CLASP1: variants seen among roughly 807,000 people sequenced by gnomAD.
CLASP1 encodes CLIP-associating protein 1.
CLASP1 carries 38 observed loss-of-function variants against 192.3 expected under a neutral mutation model. That is an observed-to-expected ratio of 0.20 (90% CI 0.15 to 0.26). The LOEUF is 0.26. Ranked by LOEUF, CLASP1 falls within the 10% of genes least tolerant of loss-of-function variation. The pLI is 1.00. For synonymous variants in CLASP1, 691 were observed against 712.8 expected (o/e 0.97, Z 0.49); for missense variants, 1,433 against 1,932.5 (o/e 0.74, Z 4.85).
exon 40 of CLASP1, chr2:121,340,768 T>C: frequency 2.2e-6 from 2 of 916,770 alleles, no homozygotes; most frequent in Non-Finnish European, 3.5e-6. Flanking sequence ...GGCCTCCTTG[T>C]ACTGACTGGG....
At chr2:121,562,564 T>A (rs947089539) in intron 2 of CLASP1, among the ~76,000 whole-genome samples, 6 of 152,158 alleles carry the variant, frequency 3.9e-5, no homozygotes, top group Non-Finnish European at 7.3e-5. Flanking sequence ...ATCAACTGAG[T>A]AGAATACTGA....
Position 121,479,035 on chromosome 2 carries a change from ACACACACACACACCCCCCCCC to A in CLASP1, c.713-9096_713-9076del, listed in dbSNP as rs1559370951. Among the ~76,000 whole-genome samples the A allele has an allele frequency of 1.1e-4, 5 of 45,732 alleles. No individual in the cohort carries two copies. In the East Asian group the frequency reaches 3.7e-3, roughly 34 times the overall value. 30.0% of individuals were successfully genotyped at this position (45,732 alleles called of 152,430 possible). On this transcript the variant is annotated intron_variant, in intron 8 of 39. Coordinates refer to ENST00000263710, the Ensembl canonical transcript of CLASP1. Reference sequence around the variant, plus strand: ...CACACACCACACACACACACACCCCACACACACACACACCCCCCCCCCACACACACACACACACACCATCAA... The same window carrying A: ...CACACACCACACACACACACACCCCACACACACACACACACACACCATCAA...
At chr2:121,531,213 C>T (rs1215142014) in intron 2 of CLASP1, among the ~76,000 whole-genome samples, 1 of 152,124 alleles carries the variant, frequency 6.6e-6, no homozygotes. Context: ...ATCAACTGTT[C>T]TGTAACTTCC....
intron 2 of CLASP1, among the ~76,000 whole-genome samples, chr2:121,604,600 G>A (rs2064190815): frequency 1.3e-5 from 2 of 152,146 alleles, no homozygotes. Context: ...CCCAGGAGGT[G>A]GAGGTTGCAG....
chr2:121,537,405 AAG>A (rs530114114), intron 2 of CLASP1, among the ~76,000 whole-genome samples: 9 of 151,184 alleles, frequency 6.0e-5, no homozygotes, highest in Middle Eastern at 3.4e-3. Context: ...GAAAAAAAAA[AAG>A]AGAGAGAGAG....
At chr2:121,589,430 G>C (rs2062104848) in intron 2 of CLASP1, among the ~76,000 whole-genome samples, 1 of 152,114 alleles carries the variant, frequency 6.6e-6, no homozygotes, top group Non-Finnish European at 1.5e-5. Context: ...AAGAGTTTGA[G>C]ATCCGCCTGG....
chr2:121,442,449 A>T (rs1455534186), intron 19 of CLASP1, among the ~76,000 whole-genome samples: 1 of 151,954 alleles, frequency 6.6e-6, no homozygotes, highest in Non-Finnish European at 1.5e-5. Context: ...TAAAATTGCC[A>T]GTAAACTCAA....
At chr2:121,537,047 G>A (rs1360154961) in intron 2 of CLASP1, among the ~76,000 whole-genome samples, 1 of 152,074 alleles carries the variant, frequency 6.6e-6, no homozygotes, top group Non-Finnish European at 1.5e-5. Flanking sequence ...TAATGGTGAT[G>A]GTTGTATAAC....
At chr2:121,361,478 A>G (rs796579813) in intron 37 of CLASP1, among the ~76,000 whole-genome samples, 21 of 152,354 alleles carry the variant, frequency 1.4e-4, no homozygotes, top group African/African-American at 5.0e-4. Flanking sequence ...CAGTTCTGCC[A>G]GTAACTGCTA....
At chr2:121,455,311 C>CA (rs1269683070) in intron 14 of CLASP1, among the ~76,000 whole-genome samples, 1 of 151,930 alleles carries the variant, frequency 6.6e-6, no homozygotes, top group Non-Finnish European at 1.5e-5. Context: ...TATATATCCC[C>CA]AAAAAATGAA....
chr2:121,566,206 AG>A, intron 2 of CLASP1, among the ~76,000 whole-genome samples: 1 of 152,212 alleles, frequency 6.6e-6, no homozygotes, highest in African/African-American at 2.4e-5. Flanking sequence ...GGGTGCAAAA[AG>A]AGAAATGGGG....
chr2:121,484,834 T>G (rs2092859193), intron 8 of CLASP1, among the ~76,000 whole-genome samples: 1 of 152,198 alleles, frequency 6.6e-6, no homozygotes, highest in Admixed American at 6.5e-5. Context: ...CCACCTGACT[T>G]GGATAACTAT....
chr2:121,492,541 T>G (rs1487133883), intron 8 of CLASP1, among the ~76,000 whole-genome samples: 1 of 152,012 alleles, frequency 6.6e-6, no homozygotes, highest in Non-Finnish European at 1.5e-5. Context: ...TAGATGTTTT[T>G]CCAACGTAGA....
rs114520212 is a variant in CLASP1 at position 121,472,623 on chromosome 2, G to A, written c.713-2663C>T. Among the ~76,000 whole-genome samples the A allele has an allele frequency of 4.0e-3, 607 of 152,334 alleles. 1 individual carries two copies. Among genetic ancestry groups the A allele is most frequent in the Middle Eastern group, 0.014 (4 of 294 alleles). On this transcript the variant is annotated intron_variant, in intron 8 of 39. Transcript: ENST00000263710. ...AACAGAGTTCAGAGAAGTTGAGGGTGCTAGAAATTACAGGAAGCTACACAG... is the reference window on the plus strand; with the variant it reads ...AACAGAGTTCAGAGAAGTTGAGGGTACTAGAAATTACAGGAAGCTACACAG...
rs138514945 is a variant in CLASP1 at position 121,482,027 on chromosome 2, C to T, written c.713-12067G>A. 1.1e-3 allele frequency among the ~76,000 whole-genome samples: 166 copies of T among 152,260 alleles called. 2 individuals carry two copies. The highest frequency in any genetic ancestry group is 3.4e-3 in the African/African-American group (143 of 41,530). On this transcript the variant is annotated intron_variant, in intron 8 of 39. Coordinates refer to ENST00000263710, the Ensembl canonical transcript of CLASP1. ...ACAAATTTAGAAAGGATCCACTGTGCCCACCAACCAACCCTCGGATGTGAC... is the reference window on the plus strand; with the variant it reads ...ACAAATTTAGAAAGGATCCACTGTGTCCACCAACCAACCCTCGGATGTGAC...
chr2:121,649,156 G>A (rs948932746), intron 1 of CLASP1, among the ~76,000 whole-genome samples: 2 of 152,148 alleles, frequency 1.3e-5, no homozygotes, highest in Non-Finnish European at 2.9e-5. Context: ...AGCAGCCTGG[G>A]CTCAGCGACC....
chr2:121,438,984 A>T (rs1276898163), intron 19 of CLASP1, among the ~76,000 whole-genome samples: 1 of 149,826 alleles, frequency 6.7e-6, no homozygotes, highest in Non-Finnish European at 1.5e-5. Context: ...TTGGTAAGCT[A>T]TTGATTATTG....
At chr2:121,447,751 T>C (rs1212962394) in intron 18 of CLASP1, among the ~76,000 whole-genome samples, 1 of 152,206 alleles carries the variant, frequency 6.6e-6, no homozygotes, top group Non-Finnish European at 1.5e-5. Flanking sequence ...TATTGAAGAC[T>C]ATAAACCCCA....
chr2:121,480,238 G>A (rs1035959499), intron 8 of CLASP1, among the ~76,000 whole-genome samples: 2 of 152,332 alleles, frequency 1.3e-5, no homozygotes, highest in Middle Eastern at 3.4e-3. Flanking sequence ...AACACCATCG[G>A]AAACTGGAGA....
Sources: gnomAD v4.1 joint callset for allele counts (sites outside exome capture counted in the v4.1 genomes callset) on GRCh38, gnomAD v4.1.1 for gene constraint, MANE v1.5 for transcripts, NCBI Gene and HGNC (gene_info 2026-07-23, HGNC 2026-07-21) for gene names.